Variants in MAP7D2 observed in about 807,000 individuals in gnomAD.
MAP7D2 encodes MAP7 domain-containing protein 2.
Under a neutral mutation model 63.5 loss-of-function variants are expected in MAP7D2, and 33 were observed. The ratio of observed to expected loss-of-function variants is 0.52; its 90% CI spans 0.39 to 0.70. MAP7D2 has a LOEUF of 0.70. MAP7D2 is among the 30% of genes least tolerant of loss of function. The probability of loss-of-function intolerance (pLI) is 0.00; values close to 1 mark genes in which losing one functional copy is unlikely to be tolerated. For missense variants in MAP7D2, 626 were observed against 604.0 expected, an observed-to-expected ratio of 1.04 and a Z score of -0.38; for synonymous variants, 224 against 223.7, an observed-to-expected ratio of 1.00 and a Z score of -0.01.
At chrX:20,097,525 G>A (rs1369019806) in intron 1 of MAP7D2, among the ~76,000 whole-genome samples, 2 of 112,153 alleles carry the variant, frequency 1.8e-5, no homozygotes, top group Admixed American at 1.9e-4. Flanking sequence ...TAGGATAAGA[G>A]ACTTTGACAT....
chrX:20,042,451 C>T (rs1350137850), intron 8 of MAP7D2, 51 bp downstream of exon 8: 2 of 1,197,190 alleles, frequency 1.7e-6, no homozygotes, highest in African/African-American at 3.5e-5. Flanking sequence ...AAAGCCCTAG[C>T]AAACTGACTC....
chrX:20,113,568 C>T (rs2066805713), intron 1 of MAP7D2, among the ~76,000 whole-genome samples: 1 of 112,242 alleles, frequency 8.9e-6, no homozygotes, highest in Non-Finnish European at 1.9e-5. Flanking sequence ...AGGATTAAAG[C>T]GTTCAAGAAT....
At chrX:20,087,441 C>CGGGA (rs1475104370) in intron 1 of MAP7D2, among the ~76,000 whole-genome samples, 2 of 111,959 alleles carry the variant, frequency 1.8e-5, no homozygotes, top group Non-Finnish European at 3.8e-5. Context: ...CTCCCCTTCC[C>CGGGA]CTTCCACCAT....
chrX:20,050,784 C>CG (rs771917147), intron 6 of MAP7D2, 40 bp downstream of exon 6: 1 of 1,130,642 alleles, frequency 8.8e-7, no homozygotes, highest in African/African-American at 1.8e-5. Flanking sequence ...AACACCTCTT[C>CG]GGGCATTTTC....
At chrX:20,063,233 G>C (rs1482426651) in intron 3 of MAP7D2, among the ~76,000 whole-genome samples, 181 bp downstream of exon 3, 1 of 111,981 alleles carries the variant, frequency 8.9e-6, no homozygotes, top group Non-Finnish European at 1.9e-5. Context: ...AAGTCTCTGC[G>C]GTTCTATGTC....
Position 20,083,976 on chromosome X carries a change from G to A in MAP7D2, c.131-19171C>T, listed in dbSNP as rs2065839677. Among the ~76,000 whole-genome samples, 7 of 111,134 alleles carry A rather than the reference G, an allele frequency of 6.3e-5. No individual in the cohort carries two copies. In the South Asian group the frequency reaches 2.3e-3, roughly 37 times the overall value. On this transcript the variant is annotated intron_variant, in intron 1 of 16. Coordinates refer to ENST00000379643, the MANE Select transcript of MAP7D2 (RefSeq NM_001168465.2). ...AACACTTTGGGAGGCTGAGACGAGT[G>A]GATCACTTGAGGTCAGGGGTACGAG...
intron 6 of MAP7D2, among the ~76,000 whole-genome samples, chrX:20,047,437 C>G (rs2064828131): frequency 9.0e-6 from 1 of 111,632 alleles, no homozygotes; most frequent in Admixed American, 9.5e-5. Context: ...CAGAGCTGTT[C>G]TGGGCCTGAG....
chrX:20,042,637 G>T lies in MAP7D2; in HGVS notation c.880-8C>A, dbSNP rs780329293. 1 of 1,210,543 alleles carries T rather than the reference G, an allele frequency of 8.3e-7. No homozygotes were observed. Among genetic ancestry groups the T allele is most frequent in the East Asian group, 3.0e-5 (1 of 33,834 alleles). On this transcript the variant is annotated splice_region_variant and splice_polypyrimidine_tract_variant and intron_variant, in intron 7 of 16. Coordinates refer to ENST00000379643, the MANE Select transcript of MAP7D2 (RefSeq NM_001168465.2). ...CCGCTTCACCTTCTCCACCTGTAGG[G>T]GACACAGGATAGCCACAGTCCATGA... is the stretch of plus-strand genomic sequence containing the variant.
chrX:20,044,106 CTCCTG>C (rs2064731989), intron 7 of MAP7D2, among the ~76,000 whole-genome samples: 1 of 112,382 alleles, frequency 8.9e-6, no homozygotes, highest in Admixed American at 9.4e-5. Flanking sequence ...TTCCTTCTGA[CTCCTG>C]TCCTCTGGAG....
At chrX:20,092,944 T>C (rs776761611) in intron 1 of MAP7D2, among the ~76,000 whole-genome samples, 1 of 112,312 alleles carries the variant, frequency 8.9e-6, no homozygotes, top group Non-Finnish European at 1.9e-5. Context: ...TTGATTTCTG[T>C]CCCAGTACTC....
chrX:20,088,176 C>T (rs2065963655), intron 1 of MAP7D2, among the ~76,000 whole-genome samples: 1 of 109,693 alleles, frequency 9.1e-6, no homozygotes, highest in East Asian at 2.8e-4. Flanking sequence ...GCTGGGATTA[C>T]AGGTGTGAGC....
chrX:20,042,698 C>T, intron 7 of MAP7D2, 69 bp from the exon 8 acceptor site: 1 of 1,121,081 alleles, frequency 8.9e-7, no homozygotes, highest in South Asian at 1.9e-5. Context: ...GACTAATACC[C>T]CAGATGGAAC....
At chrX:20,111,679 T>G (rs780643739) in intron 1 of MAP7D2, among the ~76,000 whole-genome samples, 1 of 111,892 alleles carries the variant, frequency 8.9e-6, no homozygotes, top group Non-Finnish European at 1.9e-5. Flanking sequence ...TGGTGATGGC[T>G]GCACAACTCT....
chrX:20,013,579 G>A lies in MAP7D2; in HGVS notation c.1796C>T (p.Pro599Leu), dbSNP rs376329817. The A allele has an allele frequency of 1.3e-5, 16 of 1,194,120 alleles. No individual in the cohort carries two copies. The highest frequency in any genetic ancestry group is 1.7e-5 in the Non-Finnish European group (15 of 885,247). ...MKRTRKSDVS[P>L]QVKKEDPKVG... ...CATTTGAATTCCTACCTTCACTTGTGGAGACACATCACTTTTCCTTGTTCT... is the reference window on the plus strand; with the variant it reads ...CATTTGAATTCCTACCTTCACTTGTAGAGACACATCACTTTTCCTTGTTCT... The change falls in exon 13 of 17, where the codon CCA becomes CTA. Residue 599 changes from proline (P) to leucine (L), a missense_variant. Transcript: ENST00000379643.
At chrX:20,070,235 C>A (rs185053111) in intron 1 of MAP7D2, among the ~76,000 whole-genome samples, 1 of 110,468 alleles carries the variant, frequency 9.1e-6, no homozygotes, top group Non-Finnish European at 1.9e-5. Context: ...GCATGAGCCA[C>A]CGCGCCTGGC....
chrX:20,102,993 A>G (rs1240688631), intron 1 of MAP7D2, among the ~76,000 whole-genome samples: 2 of 111,187 alleles, frequency 1.8e-5, no homozygotes, highest in African/African-American at 6.6e-5. Flanking sequence ...GTTTGTAAGG[A>G]GCAAGCTAGA....
At chrX:20,096,095 A>G (rs2066254377) in intron 1 of MAP7D2, among the ~76,000 whole-genome samples, 1 of 105,201 alleles carries the variant, frequency 9.5e-6, no homozygotes, top group Non-Finnish European at 1.9e-5. Flanking sequence ...AAAAAAAAAA[A>G]AAAAAAAAAA....
At chrX:20,069,602 G>A (rs1411575939) in intron 1 of MAP7D2, among the ~76,000 whole-genome samples, 1 of 109,950 alleles carries the variant, frequency 9.1e-6, no homozygotes, top group Admixed American at 9.8e-5. Context: ...TGCTTGCCAG[G>A]GGTTGAGAGG....
chrX:20,010,648 C>G, intron 16 of MAP7D2, 129 bp downstream of exon 16: 1 of 516,957 alleles, frequency 1.9e-6, no homozygotes, highest in South Asian at 3.3e-5. Flanking sequence ...TTGTAGTATA[C>G]CATAATATAT....
Sources: allele counts gnomAD v4.1 joint callset (sites outside exome capture counted in the v4.1 genomes callset), GRCh38; gene constraint gnomAD v4.1.1; transcripts MANE v1.5; gene names NCBI Gene and HGNC (gene_info 2026-07-23, HGNC 2026-07-21).